The following CCDC91 variants were observed in gnomAD, a reference collection of about 807,000 sequenced individuals.
The protein encoded by CCDC91 is coiled-coil domain containing 91, also known as coiled-coil domain-containing protein 91.
A neutral mutation model predicts 63.2 loss-of-function variants in CCDC91; 48 were observed. The observed-to-expected ratio is 0.76, with a 90% CI of 0.60 to 0.97. The LOEUF (loss-of-function observed/expected upper bound fraction) is 0.97. Ranked by LOEUF, CCDC91 falls within the 50% of genes least tolerant of loss-of-function variation. The probability of loss-of-function intolerance (pLI) is 0.00; values close to 1 mark genes in which losing one functional copy is unlikely to be tolerated. For synonymous variants in CCDC91, 167 were observed against 165.8 expected (o/e 1.01, Z -0.06); for missense variants, 500 against 494.6 (o/e 1.01, Z -0.10).
chr12:28,211,836 T>C (rs1943252855), intron 1 of CCDC91, among the ~76,000 whole-genome samples: 1 of 152,048 alleles, frequency 6.6e-6, no homozygotes, highest in African/African-American at 2.4e-5. Flanking sequence ...CCTGTGTGAA[T>C]TTTCAAATGC....
chr12:28,482,155 A>G (rs1951481509), intron 11 of CCDC91, among the ~76,000 whole-genome samples: 1 of 151,958 alleles, frequency 6.6e-6, no homozygotes, highest in Non-Finnish European at 1.5e-5. Flanking sequence ...AAGTATTAAC[A>G]TGTTATATTT....
At chr12:28,542,821 G>A (rs750394209) in intron 12 of CCDC91, among the ~76,000 whole-genome samples, 1 of 152,002 alleles carries the variant, frequency 6.6e-6, no homozygotes, top group Non-Finnish European at 1.5e-5. Context: ...GACACATGCT[G>A]TACAGAAATG....
Position 28,484,105 on chromosome 12 carries a change from G to A in CCDC91, c.1155G>A (p.Val385=), listed in dbSNP as rs1391924524. Residue 385 remains valine, a synonymous_variant, in exon 12 of 13, where the codon GTG becomes GTA. Coordinates refer to ENST00000536442, the MANE Select transcript of CCDC91 (RefSeq NM_018318.5). The stretch of plus-strand genomic sequence containing the variant: ...AGCAGAAACGAAGTGAAAAGGCTGT[G>A]GAAGAGGCAGTGAAAAGAACAAGAG... ...IEEQKRSEKA[V]EEAVKRTRDE... is the part of the protein sequence containing the mutation. The A allele has an allele frequency of 2.5e-6, 4 of 1,611,732 alleles. No individual in the cohort carries two copies. The Admixed American group carries it at 5.0e-5, about 20-fold the overall frequency.
chr12:28,247,514 AAATAATGAGAAGCCATTG>A (rs1054578951), intron 1 of CCDC91, among the ~76,000 whole-genome samples: 4 of 152,100 alleles, frequency 2.6e-5, no homozygotes, highest in African/African-American at 9.7e-5. Flanking sequence ...TTACTTTGTA[AAATAATGAGAAGCCATTG>A]AATAAGGTTT....
intron 8 of CCDC91, among the ~76,000 whole-genome samples, chr12:28,410,493 TTGTG>T (rs1236974607): frequency 6.6e-6 from 1 of 152,070 alleles, no homozygotes; most frequent in Non-Finnish European, 1.5e-5. Context: ...TAGCTTTTAA[TTGTG>T]TGTATGTGTT....
At chr12:28,205,593 GA>G (rs1565609601) in intron 1 of CCDC91, among the ~76,000 whole-genome samples, 1 of 152,186 alleles carries the variant, frequency 6.6e-6, no homozygotes, top group African/African-American at 2.4e-5. Context: ...CACGGTGGAA[GA>G]AGTTTTGTAG....
intron 3 of CCDC91, among the ~76,000 whole-genome samples, chr12:28,267,962 TA>T (rs1229742738): frequency 7.1e-5 from 8 of 112,368 alleles, no homozygotes; most frequent in African/African-American, 2.4e-4. Context: ...TATATAATTA[TA>T]TATAATTAAT....
At chr12:28,255,785 G>GA (rs1946405312) in intron 1 of CCDC91, 1 of 152,028 alleles carries the variant, frequency 6.6e-6, no homozygotes, top group Non-Finnish European at 1.5e-5. Flanking sequence ...TCTGTGAAAA[G>GA]AATTTCCTTT....
intron 8 of CCDC91, among the ~76,000 whole-genome samples, chr12:28,445,383 AAACT>A (rs754642694): frequency 9.2e-5 from 14 of 152,300 alleles, no homozygotes; most frequent in South Asian, 2.1e-4. Flanking sequence ...CAACAAGCAA[AAACT>A]AACTAGGACA....
intron 3 of CCDC91, among the ~76,000 whole-genome samples, chr12:28,274,505 G>T (rs1236551073): frequency 6.6e-6 from 1 of 151,956 alleles, no homozygotes; most frequent in Admixed American, 6.6e-5. Context: ...TTTGTATCCT[G>T]TTTTATTTCA....
At chr12:28,455,518 G>GA (rs1950016086) in intron 11 of CCDC91, among the ~76,000 whole-genome samples, 1 of 151,932 alleles carries the variant, frequency 6.6e-6, no homozygotes, top group African/African-American at 2.4e-5. Context: ...TTCTTTTAGG[G>GA]AAAATCCCTC....
intron 12 of CCDC91, among the ~76,000 whole-genome samples, chr12:28,521,132 G>T (rs1430797260): frequency 6.6e-6 from 1 of 152,182 alleles, no homozygotes; most frequent in African/African-American, 2.4e-5. Context: ...GCTTGATCGC[G>T]ATGGCATTGA....
intron 1 of CCDC91, among the ~76,000 whole-genome samples, chr12:28,233,978 T>G (rs775999971): frequency 6.6e-6 from 1 of 152,154 alleles, no homozygotes; most frequent in Non-Finnish European, 1.5e-5. Flanking sequence ...TTCAGTGGCA[T>G]TAAGTAAATT....
chr12:28,194,712 C>T (rs568853168), intron 1 of CCDC91, among the ~76,000 whole-genome samples: 4 of 152,058 alleles, frequency 2.6e-5, no homozygotes, highest in African/African-American at 9.7e-5. Flanking sequence ...GTGAGTGTTA[C>T]AGCTCATAGA....
rs545901391 is a variant in CCDC91 at position 28,484,136 on chromosome 12, T to C, written c.1186T>C (p.Leu396=). The change falls in exon 12 of 13, where the codon TTG becomes CTG. Residue 396 remains leucine (L), a synonymous_variant. Transcript: ENST00000536442. ...EEAVKRTRDE[L]IEYIKEQKRL... ...GGCAGTGAAAAGAACAAGAGATGAA[T>C]TGATAGAGTATATAAAAGAACAGAA... 11 of 1,608,562 alleles carry C rather than the reference T, an allele frequency of 6.8e-6. No homozygotes were observed. The East Asian group carries it at 1.6e-4, about 23-fold the overall frequency.
chr12:28,281,119 TAGTCTATTTGGTCTTAATGC>T (rs1324156931), intron 3 of CCDC91, among the ~76,000 whole-genome samples: 1 of 152,206 alleles, frequency 6.6e-6, no homozygotes, highest in Non-Finnish European at 1.5e-5. Context: ...TATTTGGCAG[TAGTCTATTTGGTCTTAATGC>T]TATTTAGTCT....
intron 11 of CCDC91, among the ~76,000 whole-genome samples, chr12:28,457,153 C>T (rs1442846695): frequency 3.9e-5 from 6 of 152,040 alleles, no homozygotes; most frequent in South Asian, 2.1e-4. Context: ...GTCACCACTA[C>T]GAACAACAGC....
chr12:28,320,738 GA>G lies in CCDC91; in HGVS notation c.576+12993del, dbSNP rs1448440535. Among the ~76,000 whole-genome samples, 3 of 151,944 alleles carry G rather than the reference GA, an allele frequency of 2.0e-5. No homozygotes were observed. In the East Asian group the frequency reaches 5.8e-4, roughly 29 times the overall value. On this transcript the variant is annotated intron_variant, in intron 6 of 12. Transcript: ENST00000536442. ...AAGATACATTTGATCACAGTGGCCA[GA>G]AAAGCATGTTGAAGGAGAAGACATA...
chr12:28,302,720 A>C, intron 3 of CCDC91: 1 of 772,134 alleles, frequency 1.3e-6, no homozygotes, highest in Non-Finnish European at 1.6e-6. Flanking sequence ...ATTAACTGAG[A>C]TGGAAAACAT....
Sources: gnomAD v4.1 joint callset for allele counts (sites outside exome capture counted in the v4.1 genomes callset) on GRCh38, gnomAD v4.1.1 for gene constraint, MANE v1.5 for transcripts, NCBI Gene and HGNC (gene_info 2026-07-23, HGNC 2026-07-21) for gene names.